NT5C2: variants seen among roughly 807,000 people sequenced by gnomAD.
NT5C2 encodes the protein 5'-nucleotidase, cytosolic II.
In NT5C2, 58 loss-of-function variants were observed where a neutral mutation model predicts 76.1. The observed-to-expected ratio is 0.76, with a 90% CI of 0.62 to 0.95. The LOEUF (loss-of-function observed/expected upper bound fraction) is 0.95, where lower values mean the gene tolerates loss of function less well. Among genes scored for constraint, NT5C2 ranks in the 40% least tolerant of loss-of-function variants. The pLI, the probability that NT5C2 is intolerant of heterozygous loss-of-function variation, is 0.00. For synonymous variants in NT5C2, 229 were observed against 237.4 expected, an observed-to-expected ratio of 0.96 and a Z score of 0.32; for missense variants, 478 against 690.3, an observed-to-expected ratio of 0.69 and a Z score of 3.45.
Position 103,094,605 on chromosome 10 carries a change from C to A in NT5C2, c.814-150G>T, listed in dbSNP as rs139041004. ...TTTTTTAAAAAGGTATTGTGTCAGC[C>A]AGGCACAGTGGCTCACACCTGTAAT... On this transcript the variant is annotated intron_variant, in intron 12 of 18. Coordinates refer to ENST00000404739, the MANE Select transcript of NT5C2 (RefSeq NM_001351169.2). The A allele has an allele frequency of 8.2e-6, 5 of 609,818 alleles. No individual in the cohort carries two copies. The East Asian group carries it at 1.4e-4, about 17-fold the overall frequency. 37.8% of individuals were successfully genotyped at this position (609,818 alleles called of 1,614,324 possible).
intron 11 of NT5C2, 78 bp downstream of exon 11, chr10:103,097,213 A>C: frequency 2.7e-6 from 3 of 1,094,264 alleles, no homozygotes; most frequent in Non-Finnish European, 4.0e-6. Flanking sequence ...ATAAACTTCT[A>C]TCTTCCTCAT....
At chr10:103,141,995 T>C (rs2080510824) in intron 3 of NT5C2, among the ~76,000 whole-genome samples, 1 of 152,160 alleles carries the variant, frequency 6.6e-6, no homozygotes, top group South Asian at 2.1e-4. Context: ...TAGTTTTCCA[T>C]TAGGAAAATG....
At chr10:103,107,332 A>T (rs1038071234) in intron 4 of NT5C2, among the ~76,000 whole-genome samples, 1 of 152,230 alleles carries the variant, frequency 6.6e-6, no homozygotes, top group African/African-American at 2.4e-5. Flanking sequence ...AACCATAAAA[A>T]GACATGTTTG....
intron 4 of NT5C2, among the ~76,000 whole-genome samples, chr10:103,124,053 T>C (rs977973967): frequency 2.6e-5 from 4 of 152,128 alleles, no homozygotes; most frequent in African/African-American, 9.7e-5. Context: ...TTAATAATTC[T>C]ACATGTATAA....
At chr10:103,092,980 A>G (rs535426080) in intron 15 of NT5C2, among the ~76,000 whole-genome samples, 159 bp downstream of exon 15, 2 of 152,152 alleles carry the variant, frequency 1.3e-5, no homozygotes, top group African/African-American at 4.8e-5. Context: ...GTTCTGTGAA[A>G]TATCTGAATA....
chr10:103,174,857 CCGATGATAGG>C lies in NT5C2; in HGVS notation c.92_101del (p.Ala31GlyfsTer4). The C allele has an allele frequency of 1.2e-6, 2 of 1,601,436 alleles. No individual in the cohort carries two copies. Among genetic ancestry groups the C allele is most frequent in the Non-Finnish European group, 1.7e-6 (2 of 1,168,998 alleles). ...GAGGATTAAATAGACAAAATACTTA[CCGATGATAGG>C]CTTCTCGACGATACTTTTTCAGGGC... On this transcript the variant is annotated frameshift_variant and splice_region_variant, in exon 3 of 19. Transcript: ENST00000404739. LOFTEE classifies it high-confidence loss of function.
chr10:103,160,753 G>A (rs2084647792), intron 3 of NT5C2, among the ~76,000 whole-genome samples: 2 of 152,162 alleles, frequency 1.3e-5, no homozygotes, highest in African/African-American at 4.8e-5. Context: ...GGTGGCTCAC[G>A]CCTGTAATCC....
chr10:103,107,499 AC>A (rs1266099385), intron 4 of NT5C2, among the ~76,000 whole-genome samples: 5 of 151,186 alleles, frequency 3.3e-5, no homozygotes, highest in African/African-American at 1.2e-4. Flanking sequence ...ACATGGTGAA[AC>A]CCCCGTCTCT....
At chr10:103,174,210 C>T (rs1485795642) in intron 3 of NT5C2, among the ~76,000 whole-genome samples, 1 of 152,072 alleles carries the variant, frequency 6.6e-6, no homozygotes, top group Non-Finnish European at 1.5e-5. Flanking sequence ...AGTTCAAGAT[C>T]ACCCTGGCCA....
At position 103,124,211 on chromosome 10, in the gene NT5C2, A is replaced by AT. The variant is rs5787481; in HGVS notation, c.175+15194dup. Among the ~76,000 whole-genome samples the AT allele has an allele frequency of 2.8e-3, 410 of 149,060 alleles. 3 individuals are homozygous for AT. Among genetic ancestry groups the AT allele is most frequent in the Non-Finnish European group, 2.9e-3 (197 of 67,070 alleles). On this transcript the variant is annotated intron_variant, in intron 4 of 18. Coordinates refer to ENST00000404739, the MANE Select transcript of NT5C2 (RefSeq NM_001351169.2). ...CATAATGACACCTCTGTCATAAAGA[A>AT]TTTTTTTTTTTTTAATTTAAAGAAG...
intron 2 of NT5C2, among the ~76,000 whole-genome samples, chr10:103,179,911 A>T (rs1205887665): frequency 6.6e-6 from 1 of 152,222 alleles, no homozygotes; most frequent in East Asian, 1.9e-4. Context: ...TTAAAAAACT[A>T]AAACAAAATT....
chr10:103,149,490 C>T (rs990157991), intron 3 of NT5C2, among the ~76,000 whole-genome samples: 5 of 152,096 alleles, frequency 3.3e-5, no homozygotes, highest in African/African-American at 7.2e-5. Flanking sequence ...ACACAAGTTA[C>T]GGGAGAAACC....
rs1234315434 is a variant in NT5C2 at position 103,094,383 on chromosome 10, A to C, written c.886T>G (p.Phe296Val). 6.2e-7 allele frequency: 1 copy of C among 1,613,404 alleles called. No homozygotes were observed. The highest frequency in any genetic ancestry group is 8.5e-7 in the Non-Finnish European group (1 of 1,179,482). Residue 296 changes from phenylalanine (F) to valine (V), a missense_variant, in exon 13 of 19, where the codon TTT (phenylalanine) becomes GTT (valine). Transcript: ENST00000404739. Reference sequence around the variant, plus strand: ...TGACGCAGTACTGTGCCTTCTCCAAAAAAGAGTGGTTTCCGTGCATCCACC... The same window carrying C: ...TGACGCAGTACTGTGCCTTCTCCAACAAAGAGTGGTTTCCGTGCATCCACC... ...ILVDARKPLF[F>V]GEGTVLRQVD...
chr10:103,155,494 A>G (rs1008263964), intron 3 of NT5C2, among the ~76,000 whole-genome samples: 1 of 152,234 alleles, frequency 6.6e-6, no homozygotes, highest in African/African-American at 2.4e-5. Flanking sequence ...TCACCAGGCT[A>G]AAAGTATTAG....
chr10:103,165,320 T>G (rs2086091934), intron 3 of NT5C2, among the ~76,000 whole-genome samples: 1 of 151,974 alleles, frequency 6.6e-6, no homozygotes, highest in Admixed American at 6.6e-5. Context: ...ATGGTGAAAC[T>G]CCATTTCTAC....
chr10:103,125,653 T>C (rs185357210), intron 4 of NT5C2, among the ~76,000 whole-genome samples: 36 of 152,360 alleles, frequency 2.4e-4, no homozygotes, highest in Non-Finnish European at 2.9e-5. Context: ...TTTCTGGATT[T>C]AGTATTATAA....
intron 1 of NT5C2, among the ~76,000 whole-genome samples, chr10:103,185,341 C>T (rs1321203568): frequency 7.1e-6 from 1 of 141,036 alleles, no homozygotes; most frequent in Non-Finnish European, 1.6e-5. Flanking sequence ...CTGAATACTC[C>T]TTTAAAAAAA....
At position 103,183,262 on chromosome 10, in the gene NT5C2, G is replaced by GATATATATATATATATATATATAT. The variant is rs201371414; in HGVS notation, c.-168-1958_-168-1935dup. ...GAGATATATATATATGTGTGTGTGT[G>GATATATATATATATATATATATAT]ATATATATATATATATATATATATA... On this transcript the variant is annotated intron_variant, in intron 1 of 18. Transcript: ENST00000404739. Among the ~76,000 whole-genome samples, 61 of 73,368 alleles carry GATATATATATATATATATATATAT rather than the reference G, an allele frequency of 8.3e-4. 2 individuals are homozygous for GATATATATATATATATATATATAT. The highest frequency in any genetic ancestry group is 2.3e-3 in the African/African-American group (36 of 15,334). 48.1% of individuals were successfully genotyped at this position (73,368 alleles called of 152,430 possible).
chr10:103,191,543 A>G (rs1365362000), intron 1 of NT5C2, among the ~76,000 whole-genome samples: 2 of 152,192 alleles, frequency 1.3e-5, no homozygotes, highest in Admixed American at 1.3e-4. Flanking sequence ...CTTTAGGAAG[A>G]TGTGATGTCT....
Sources: gnomAD v4.1 joint callset for allele counts (sites outside exome capture counted in the v4.1 genomes callset) on GRCh38, gnomAD v4.1.1 for gene constraint, MANE v1.5 for transcripts, NCBI Gene and HGNC (gene_info 2026-07-23, HGNC 2026-07-21) for gene names.